The following CERS6 variants were observed in gnomAD, a reference collection of about 807,000 sequenced individuals.
CERS6 encodes LAG1 homolog, ceramide synthase 6.
Under a neutral mutation model 56.8 loss-of-function variants are expected in CERS6, and 26 were observed. That is an observed-to-expected ratio of 0.46 (90% CI 0.34 to 0.63). The LOEUF is 0.63. CERS6 is among the 30% of genes least tolerant of loss of function. The pLI is 0.01. For missense variants in CERS6, 415 were observed against 467.5 expected, an observed-to-expected ratio of 0.89 and a Z score of 1.04; for synonymous variants, 164 against 173.3, an observed-to-expected ratio of 0.95 and a Z score of 0.42.
At chr2:168,682,073 A>G (rs1408036070) in intron 4 of CERS6, among the ~76,000 whole-genome samples, 2 of 152,200 alleles carry the variant, frequency 1.3e-5, no homozygotes, top group East Asian at 1.9e-4. Context: ...TAGTGCTACA[A>G]TAAACATGGG....
intron 8 of CERS6, among the ~76,000 whole-genome samples, chr2:168,723,650 G>A (rs964283944): frequency 6.6e-6 from 1 of 152,164 alleles, no homozygotes; most frequent in Non-Finnish European, 1.5e-5. Context: ...GTACTTGTAT[G>A]ATTATGTCAT....
Position 168,771,630 on chromosome 2 carries a change from G to A in CERS6, c.*1968G>A, listed in dbSNP as rs1158142676. ...TATTACAGCTGAAAATTTTGAGAAG[G>A]TAAAAGTTTCTTAATTAAAATATGA... On this transcript the variant is annotated 3_prime_UTR_variant, in exon 10 of 10. Coordinates refer to ENST00000305747, the MANE Select transcript of CERS6 (RefSeq NM_203463.3). The A allele has an allele frequency of 6.6e-6, 1 of 152,176 alleles. No homozygotes were observed. The highest frequency in any genetic ancestry group is 6.5e-5 in the Admixed American group (1 of 15,276). The allele number at this position is 152,176 out of a possible 1,614,324, so 9.4% of individuals were successfully genotyped here.
chr2:168,555,808 C>T (rs546382906), intron 2 of CERS6, among the ~76,000 whole-genome samples: 69 of 150,336 alleles, frequency 4.6e-4, no homozygotes, highest in African/African-American at 1.7e-3. Flanking sequence ...AAAAAAGTAC[C>T]AGGCTCAGAT....
In CERS6 at chr2:168,561,281, T is replaced by A. The variant is rs768009413; in HGVS notation, c.366T>A (p.Asn122Lys). 4 of 1,614,090 alleles carry A rather than the reference T, an allele frequency of 2.5e-6. No homozygotes were observed. Among genetic ancestry groups the A allele is most frequent in the Non-Finnish European group, 3.4e-6 (4 of 1,179,968 alleles). Residue 122 changes from asparagine (N) to lysine (K), a missense_variant, in exon 3 of 10, where the codon AAT becomes AAA. Asn to Lys is a moderately conservative substitution (Grantham distance 94). Transcript: ENST00000305747. The stretch of plus-strand genomic sequence containing the variant: ...AGCGCTGGTTTCGACAAAGACGCAA[T>A]CAGGAGAAGCCAAGCACGCTGACGA... Reference protein sequence around the residue: ...SIQRWFRQRRNQEKPSTLTRF... With the variant: ...SIQRWFRQRRKQEKPSTLTRF...
rs376746834 is a variant in CERS6, at chr2:168,680,025, A to G, written c.466-11009A>G. Among the ~76,000 whole-genome samples the G allele has an allele frequency of 4.6e-5, 7 of 152,368 alleles. No individual in the cohort carries two copies. The East Asian group carries it at 9.6e-4, about 21-fold the overall frequency. On this transcript the variant is annotated intron_variant, in intron 4 of 9. Coordinates refer to ENST00000305747, the MANE Select transcript of CERS6 (RefSeq NM_203463.3). ...CTTAAATATTGGAAGTAATTTACGA[A>G]CTACGGCATTTTCAAAGAGTCTGGA...
chr2:168,677,725 A>C (rs1686100091), intron 4 of CERS6, among the ~76,000 whole-genome samples: 1 of 151,996 alleles, frequency 6.6e-6, no homozygotes, highest in South Asian at 2.1e-4. Context: ...TCAAACTCCC[A>C]ACCTCAGGTG....
chr2:168,644,303 AG>A (rs1461010997), intron 4 of CERS6: 1 of 984,826 alleles, frequency 1.0e-6, no homozygotes, highest in African/African-American at 1.7e-5. Flanking sequence ...AAGGAGGTGA[AG>A]GGGAATAATA....
At chr2:168,700,358 C>T (rs967965318) in intron 6 of CERS6, among the ~76,000 whole-genome samples, 6 of 152,054 alleles carry the variant, frequency 3.9e-5, no homozygotes, top group East Asian at 3.9e-4. Context: ...AACAGAATTA[C>T]GTAAAATAAT....
intron 1 of CERS6, among the ~76,000 whole-genome samples, chr2:168,504,541 A>G (rs994939383): frequency 4.7e-4 from 71 of 152,308 alleles, no homozygotes; most frequent in African/African-American, 1.6e-3. Flanking sequence ...GAAGGCAAAG[A>G]GAAACTGACT....
intron 1 of CERS6, among the ~76,000 whole-genome samples, chr2:168,544,288 A>G (rs1219505379): frequency 1.3e-5 from 2 of 152,170 alleles, no homozygotes; most frequent in Non-Finnish European, 2.9e-5. Context: ...AGCTGATTAT[A>G]ACAATGACCC....
intron 1 of CERS6, among the ~76,000 whole-genome samples, chr2:168,546,017 G>A (rs1362548947): frequency 6.6e-6 from 1 of 152,136 alleles, no homozygotes; most frequent in Non-Finnish European, 1.5e-5. Flanking sequence ...TTGCTGGACC[G>A]TATGTCTTTT....
chr2:168,746,472 G>A (rs374362533), intron 8 of CERS6, among the ~76,000 whole-genome samples: 4 of 151,976 alleles, frequency 2.6e-5, no homozygotes, highest in South Asian at 2.1e-4. Flanking sequence ...ATCACGTTCC[G>A]AGTGTGGTCT....
chr2:168,663,450 G>T (rs577672143), intron 4 of CERS6, among the ~76,000 whole-genome samples: 1 of 152,244 alleles, frequency 6.6e-6, no homozygotes, highest in Non-Finnish European at 1.5e-5. Flanking sequence ...GTCTCACTAT[G>T]TTGCCCAGGT....
chr2:168,733,811 A>C (rs551050900), intron 8 of CERS6, among the ~76,000 whole-genome samples: 2 of 152,192 alleles, frequency 1.3e-5, no homozygotes, highest in South Asian at 4.1e-4. Flanking sequence ...CAATGGACAC[A>C]TGTGATAGTG....
At chr2:168,498,927 C>A (rs1449807844) in intron 1 of CERS6, among the ~76,000 whole-genome samples, 1 of 152,132 alleles carries the variant, frequency 6.6e-6, no homozygotes, top group Non-Finnish European at 1.5e-5. Context: ...CCCCACATCT[C>A]GTTATGACCG....
chr2:168,648,464 A>G (rs191277016), intron 4 of CERS6, among the ~76,000 whole-genome samples: 17 of 152,230 alleles, frequency 1.1e-4, no homozygotes, highest in Admixed American at 4.6e-4. Flanking sequence ...AATTTTTTCC[A>G]AAGAACCAAC....
At chr2:168,611,078 G>C (rs1684178388) in intron 3 of CERS6, among the ~76,000 whole-genome samples, 3 of 152,086 alleles carry the variant, frequency 2.0e-5, no homozygotes, top group Admixed American at 2.0e-4. Context: ...CAAAGTACTG[G>C]GATTACAGAC....
intron 3 of CERS6, among the ~76,000 whole-genome samples, chr2:168,576,168 C>T (rs545170259): frequency 2.0e-5 from 3 of 152,208 alleles, no homozygotes; most frequent in Middle Eastern, 6.8e-3. Flanking sequence ...TGAAGGACGC[C>T]TCCTACCCCC....
At chr2:168,577,663 G>A (rs1683306286) in intron 3 of CERS6, among the ~76,000 whole-genome samples, 1 of 152,190 alleles carries the variant, frequency 6.6e-6, no homozygotes, top group African/African-American at 2.4e-5. Context: ...GAGGAGCACG[G>A]AGCATTCATT....
Sources: gnomAD v4.1 joint callset for allele counts (sites outside exome capture counted in the v4.1 genomes callset) on GRCh38, gnomAD v4.1.1 for gene constraint, MANE v1.5 for transcripts, NCBI Gene and HGNC (gene_info 2026-07-23, HGNC 2026-07-21) for gene names.